BMP2K: variants seen among roughly 807,000 people sequenced by gnomAD.
The protein encoded by BMP2K is BMP-2-inducible protein kinase.
BMP2K carries 74 observed loss-of-function variants against 116.0 expected under a neutral mutation model. That is an observed-to-expected ratio of 0.64 (90% CI 0.53 to 0.77). The LOEUF (loss-of-function observed/expected upper bound fraction) is 0.77, where lower values mean the gene tolerates loss of function less well. BMP2K is among the 30% of genes least tolerant of loss of function. The pLI is 0.00. For synonymous variants in BMP2K, 486 were observed against 502.5 expected, an observed-to-expected ratio of 0.97 and a Z score of 0.44; for missense variants, 1,365 against 1,403.6, an observed-to-expected ratio of 0.97 and a Z score of 0.44.
chr4:78,893,931 C>T (rs1733570752), intron 15 of BMP2K, among the ~76,000 whole-genome samples: 1 of 152,176 alleles, frequency 6.6e-6, no homozygotes, highest in African/African-American at 2.4e-5. Context: ...TTTTAGCAGG[C>T]ATGAAAACAA....
At chr4:78,871,734 T>A (rs747820966) in intron 11 of BMP2K, 116 bp from the exon 12 acceptor site, 2 of 576,630 alleles carry the variant, frequency 3.5e-6, no homozygotes, top group Non-Finnish European at 6.2e-6. Flanking sequence ...ATAGCTATTT[T>A]GTATTGATGT....
chr4:78,820,026 TACTG>T (rs1729538988), intron 1 of BMP2K, among the ~76,000 whole-genome samples: 1 of 152,206 alleles, frequency 6.6e-6, no homozygotes, highest in Non-Finnish European at 1.5e-5. Flanking sequence ...TACTATTACT[TACTG>T]GCATTATTAA....
intron 9 of BMP2K, among the ~76,000 whole-genome samples, chr4:78,863,435 T>G (rs1240406312): frequency 2.0e-5 from 3 of 152,144 alleles, no homozygotes; most frequent in Non-Finnish European, 4.4e-5. Context: ...AAGGTCGCTC[T>G]CATCTCCCCA....
chr4:78,797,263 T>C (rs1370293823), intron 1 of BMP2K, among the ~76,000 whole-genome samples: 1 of 152,138 alleles, frequency 6.6e-6, no homozygotes, highest in East Asian at 1.9e-4. Context: ...TTCTGTTGTT[T>C]CCACAGATCG....
rs1379710259 is a variant in BMP2K, at chr4:78,823,600, G to GTA, written c.179-2428_179-2427dup. Among the ~76,000 whole-genome samples the GTA allele has an allele frequency of 5.5e-5, 8 of 146,520 alleles. No homozygotes were observed. The South Asian group carries it at 1.3e-3, about 23-fold the overall frequency. On this transcript the variant is annotated intron_variant, in intron 1 of 15. Coordinates refer to ENST00000502613, the MANE Select transcript of BMP2K (RefSeq NM_198892.2). ...TAGTTATATATAGGTATATATGTAG[G>GTA]TATATATATAGGTGTATATATATAT...
intron 1 of BMP2K, among the ~76,000 whole-genome samples, chr4:78,817,015 C>T (rs1228071492): frequency 6.6e-6 from 1 of 152,198 alleles, no homozygotes; most frequent in East Asian, 1.9e-4. Flanking sequence ...ATTCATATTA[C>T]ATGTCTCTGA....
chr4:78,785,369 C>T (rs1232615461), intron 1 of BMP2K, among the ~76,000 whole-genome samples: 1 of 152,136 alleles, frequency 6.6e-6, no homozygotes, highest in Non-Finnish European at 1.5e-5. Context: ...ACCTTGGCTT[C>T]CCAAAGTGCT....
chr4:78,820,339 G>C (rs1216176641), intron 1 of BMP2K, among the ~76,000 whole-genome samples: 3 of 152,056 alleles, frequency 2.0e-5, no homozygotes, highest in Admixed American at 1.3e-4. Context: ...TAACTTTTAG[G>C]GTTTTCTTGT....
rs769587908 is a variant in BMP2K at position 78,833,685 on chromosome 4, G to T, written c.401G>T (p.Arg134Leu). 2 of 1,594,826 alleles carry T rather than the reference G, an allele frequency of 1.3e-6. No individual in the cohort carries two copies. The highest frequency in any genetic ancestry group is 2.3e-5 in the East Asian group (1 of 44,046). ...WEVLILMEYC[R>L]AGQVVNQMNK... Reference sequence around the variant, plus strand: ...GTCCTTATCTTAATGGAATATTGTCGAGGTAAGTATTTTTTTGCATTTGTA... The same window carrying T: ...GTCCTTATCTTAATGGAATATTGTCTAGGTAAGTATTTTTTTGCATTTGTA... The change falls in exon 3 of 16, where the codon CGA becomes CTA. Residue 134 changes from arginine to leucine, a missense_variant and splice_region_variant. By Grantham distance (102) the Arg-to-Leu change is moderately radical. This residue lies in a region of BMP2K where 762 missense variants were observed against 756.7 expected (regional missense o/e 1.01). Transcript: ENST00000502613.
intron 6 of BMP2K, among the ~76,000 whole-genome samples, chr4:78,849,331 G>A (rs1430551159): frequency 6.6e-6 from 1 of 151,462 alleles, no homozygotes; most frequent in Non-Finnish European, 1.5e-5. Flanking sequence ...GATAAAAAGG[G>A]AAATACCTTT....
chr4:78,865,547 T>C lies in BMP2K; in HGVS notation c.1068-10T>C. On this transcript the variant is annotated splice_polypyrimidine_tract_variant and intron_variant, in intron 9 of 15. Transcript: ENST00000502613. Reference sequence around the variant, plus strand: ...CAGTATTTAGAATGAAATATATTCTTCTGTTGTAGAATAACAGATACCATT... The same window carrying C: ...CAGTATTTAGAATGAAATATATTCTCCTGTTGTAGAATAACAGATACCATT... 1 of 1,612,114 alleles carries C rather than the reference T, an allele frequency of 6.2e-7. No homozygotes were observed. Among genetic ancestry groups the C allele is most frequent in the Non-Finnish European group, 8.5e-7 (1 of 1,178,288 alleles).
At chr4:78,804,771 G>A (rs1010550128) in intron 1 of BMP2K, among the ~76,000 whole-genome samples, 3 of 150,016 alleles carry the variant, frequency 2.0e-5, no homozygotes, top group Admixed American at 6.6e-5. Flanking sequence ...TGTAAAATTG[G>A]GTTGTCTTTT....
Position 78,826,133 on chromosome 4 carries a change from G to A in BMP2K, c.275G>A (p.Cys92Tyr). ...YVNNMPDLNV[C>Y]KREITIMKEL... ...AATAACATGCCAGACCTCAATGTTT[G>A]TAAAAGGGAAATTACAATTATGGTA... Residue 92 changes from cysteine (C) to tyrosine (Y), a missense_variant, in exon 2 of 16, where the codon TGT becomes TAT. Cys to Tyr is a radical substitution (Grantham distance 194). Around this residue, in one of 3 missense-constraint regions of BMP2K, gnomAD observed 762 missense variants for 756.7 expected, o/e 1.01. Coordinates refer to ENST00000502613, the MANE Select transcript of BMP2K (RefSeq NM_198892.2). The A allele has an allele frequency of 6.2e-7, 1 of 1,613,036 alleles. No individual in the cohort carries two copies. Among genetic ancestry groups the A allele is most frequent in the Non-Finnish European group, 8.5e-7 (1 of 1,179,078 alleles).
At chr4:78,862,652 A>C (rs931292337) in intron 9 of BMP2K, among the ~76,000 whole-genome samples, 1 of 152,118 alleles carries the variant, frequency 6.6e-6, no homozygotes, top group Non-Finnish European at 1.5e-5. Flanking sequence ...TCAACCTTCT[A>C]GTCAGTTCTA....
chr4:78,891,989 T>C, intron 15 of BMP2K, among the ~76,000 whole-genome samples: 1 of 152,298 alleles, frequency 6.6e-6, no homozygotes, highest in Non-Finnish European at 1.5e-5. Flanking sequence ...ATTTCTTTTA[T>C]AAAAAATATT....
chr4:78,889,087 G>C (rs1261062381), intron 15 of BMP2K, among the ~76,000 whole-genome samples: 1 of 152,054 alleles, frequency 6.6e-6, no homozygotes, highest in African/African-American at 2.4e-5. Context: ...CAGGCGTGGT[G>C]GTGGGTGCCT....
At chr4:78,831,955 G>A (rs182630703) in intron 2 of BMP2K, among the ~76,000 whole-genome samples, 2 of 152,128 alleles carry the variant, frequency 1.3e-5, no homozygotes, top group African/African-American at 2.4e-5. Flanking sequence ...AGACACAGGT[G>A]CATATATATA....
chr4:78,843,367 ATTAT>A (rs969408917), intron 4 of BMP2K, among the ~76,000 whole-genome samples: 1 of 151,376 alleles, frequency 6.6e-6, no homozygotes, highest in Non-Finnish European at 1.5e-5. Flanking sequence ...TACTATGCCT[ATTAT>A]TTATTTCCTG....
intron 15 of BMP2K, among the ~76,000 whole-genome samples, chr4:78,905,091 A>G (rs1261612313): frequency 6.6e-6 from 1 of 151,794 alleles, no homozygotes; most frequent in Non-Finnish European, 1.5e-5. Context: ...TGTTTTGACT[A>G]ATCTATTGGT....
Sources: allele counts gnomAD v4.1 joint callset (sites outside exome capture counted in the v4.1 genomes callset), GRCh38; gene constraint gnomAD v4.1.1; regional missense constraint gnomAD v4.1.1; transcripts MANE v1.5; gene names NCBI Gene and HGNC (gene_info 2026-07-23, HGNC 2026-07-21).